The following ZDHHC20 variants were observed in gnomAD, a reference collection of about 807,000 sequenced individuals.
ZDHHC20 encodes palmitoyltransferase ZDHHC20.
ZDHHC20 carries 43 observed loss-of-function variants against 57.8 expected under a neutral mutation model. That is an observed-to-expected ratio of 0.74 (90% CI 0.58 to 0.96). The LOEUF is 0.96. Ranked by LOEUF, ZDHHC20 falls within the 40% of genes least tolerant of loss-of-function variation. The pLI is 0.00. For synonymous variants in ZDHHC20, 157 were observed against 153.0 expected, an observed-to-expected ratio of 1.03 and a Z score of -0.19; for missense variants, 391 against 441.1, an observed-to-expected ratio of 0.89 and a Z score of 1.02.
rs79557922 is a variant in ZDHHC20 at position 21,405,094 on chromosome 13, G to T, written c.371-2228C>A. On this transcript the variant is annotated intron_variant, in intron 4 of 12. Transcript: ENST00000400590. ...TAGCCTCTGATGAGTGGTGTCATGG[G>T]TGAGATGTGTAGACTCAATCTTTTT... is the stretch of plus-strand genomic sequence containing the variant. 2.7e-3 allele frequency among the ~76,000 whole-genome samples: 417 copies of T among 152,166 alleles called. 2 individuals are homozygous for T. The highest frequency in any genetic ancestry group is 9.6e-3 in the African/African-American group (400 of 41,518).
At chr13:21,410,262 C>T (rs536517739) in intron 4 of ZDHHC20, among the ~76,000 whole-genome samples, 1 of 152,218 alleles carries the variant, frequency 6.6e-6, no homozygotes, top group African/African-American at 2.4e-5. Flanking sequence ...CTGGAAGCTT[C>T]CTCCCAGAGG....
chr13:21,391,899 T>A (rs200173855), intron 7 of ZDHHC20, 45 bp from the exon 8 acceptor site: 1 of 1,574,008 alleles, frequency 6.4e-7, no homozygotes, highest in African/African-American at 1.4e-5. Flanking sequence ...CTCTAAAATA[T>A]AACTTACAAG....
Position 21,459,138 on chromosome 13 carries a change from G to C in ZDHHC20, c.34C>G (p.Arg12Gly), listed in dbSNP as rs1221871697. 1.2e-6 allele frequency: 2 copies of C among 1,604,946 alleles called. No homozygotes were observed. Among genetic ancestry groups the C allele is most frequent in the Non-Finnish European group, 1.7e-6 (2 of 1,176,650 alleles). ...AGCACCGGCACCCAGCCCACGACGC[G>C]CTGGCAGCAGCGCCACAGCGTCCAG... ...APWTLWRCCQRVVGWVPVLFI... is the reference protein window; with the variant it reads ...APWTLWRCCQGVVGWVPVLFI... Residue 12 changes from arginine (R) to glycine (G), a missense_variant, in exon 1 of 13, where the codon CGC (arginine) becomes GGC (glycine). Coordinates refer to ENST00000400590, the MANE Select transcript of ZDHHC20 (RefSeq NM_001330059.2).
chr13:21,413,869 C>T, intron 3 of ZDHHC20, 97 bp from the exon 4 acceptor site: 3 of 1,048,830 alleles, frequency 2.9e-6, no homozygotes, highest in South Asian at 1.6e-5. Context: ...AAACCAAAAA[C>T]TATTTTATGA....
At position 21,381,880 on chromosome 13, in the gene ZDHHC20, T is replaced by C. The variant is rs779265643; in HGVS notation, c.945-331A>G. The C allele has an allele frequency of 7.2e-6, 4 of 558,100 alleles. No homozygotes were observed. In the East Asian group the frequency reaches 1.8e-4, roughly 26 times the overall value. 34.6% of individuals were successfully genotyped at this position (558,100 alleles called of 1,614,324 possible). On this transcript the variant is annotated intron_variant, in intron 10 of 12. Transcript: ENST00000400590. ...AAGGACAGGTGAGGATCTATATCTG[T>C]GGCCAGTACAAAACAATTACCTGTC...
In ZDHHC20 at chr13:21,413,641, C is replaced by G. The variant is rs1163639163; in HGVS notation, c.370+11G>C. 2 of 1,574,458 alleles carry G rather than the reference C, an allele frequency of 1.3e-6. No homozygotes were observed. Among genetic ancestry groups the G allele is most frequent in the Non-Finnish European group, 1.7e-6 (2 of 1,166,956 alleles). ...AATCATTTGAAAAGGAAAACTTATTCTTTTTCTTACTTTTTGAAGCTGATG... is the reference window on the plus strand; with the variant it reads ...AATCATTTGAAAAGGAAAACTTATTGTTTTTCTTACTTTTTGAAGCTGATG... On this transcript the variant is annotated intron_variant, in intron 4 of 12. Transcript: ENST00000400590.
In ZDHHC20 at chr13:21,425,637, C is replaced by T. The variant is rs780021558; in HGVS notation, c.145+15G>A. On this transcript the variant is annotated intron_variant, in intron 2 of 12. Coordinates refer to ENST00000400590, the MANE Select transcript of ZDHHC20 (RefSeq NM_001330059.2). ...ATTAAGCATTTAACTTAAATTGAAACTAAAAGTGCCTTACCATTTTCTTCA... is the reference window on the plus strand; with the variant it reads ...ATTAAGCATTTAACTTAAATTGAAATTAAAAGTGCCTTACCATTTTCTTCA... 4 of 1,195,184 alleles carry T rather than the reference C, an allele frequency of 3.3e-6. No homozygotes were observed. The highest frequency in any genetic ancestry group is 1.6e-5 in the African/African-American group (1 of 62,470). 74.0% of individuals were successfully genotyped at this position (1,195,184 alleles called of 1,614,324 possible).
At chr13:21,390,759 G>A (rs1875546176) in intron 8 of ZDHHC20, among the ~76,000 whole-genome samples, 1 of 152,056 alleles carries the variant, frequency 6.6e-6, no homozygotes, top group Non-Finnish European at 1.5e-5. Context: ...AATTAGCTGG[G>A]TGTGGTAGTG....
At chr13:21,400,275 A>G (rs1877430738) in intron 7 of ZDHHC20, 98 bp downstream of exon 7, 2 of 1,173,222 alleles carry the variant, frequency 1.7e-6, no homozygotes, top group East Asian at 2.9e-5. Flanking sequence ...TTGTAAAATT[A>G]AAGTATATCT....
In ZDHHC20 at chr13:21,448,480, C is replaced by T. The variant is rs1485990080; in HGVS notation, c.118+10574G>A. Reference sequence around the variant, plus strand: ...GGAAGGAGGTGGGGGGGGTCAGCCCCGCCGCCCGGCCAGCCGCCCCGTCCG... The same window carrying T: ...GGAAGGAGGTGGGGGGGGTCAGCCCTGCCGCCCGGCCAGCCGCCCCGTCCG... On this transcript the variant is annotated intron_variant, in intron 1 of 12. Transcript: ENST00000400590. 4.0e-5 allele frequency among the ~76,000 whole-genome samples: 4 copies of T among 99,204 alleles called. No homozygotes were observed. In the East Asian group the frequency reaches 8.0e-4, roughly 20 times the overall value. The allele number at this position is 99,204 out of a possible 152,430, so 65.1% of individuals were successfully genotyped here.
At chr13:21,395,037 C>A (rs755407356) in intron 7 of ZDHHC20, among the ~76,000 whole-genome samples, 4 of 150,912 alleles carry the variant, frequency 2.7e-5, no homozygotes, top group Non-Finnish European at 5.9e-5. Context: ...TAGCTGGATG[C>A]TGGAATAGCC....
chr13:21,449,553 T>C (rs887450790), intron 1 of ZDHHC20, among the ~76,000 whole-genome samples: 4 of 152,178 alleles, frequency 2.6e-5, no homozygotes, highest in Non-Finnish European at 5.9e-5. Context: ...CACATTCTAC[T>C]GGCCAAAGCA....
At chr13:21,458,838 G>C (rs561326692) in intron 1 of ZDHHC20, among the ~76,000 whole-genome samples, 1 of 152,294 alleles carries the variant, frequency 6.6e-6, no homozygotes, top group East Asian at 1.9e-4. Context: ...GGAAGCCGCC[G>C]CAAGGCTTCA....
intron 1 of ZDHHC20, among the ~76,000 whole-genome samples, chr13:21,440,367 T>C (rs1340179854): frequency 6.6e-6 from 1 of 151,746 alleles, no homozygotes; most frequent in African/African-American, 2.4e-5. Flanking sequence ...TCCCAGCACT[T>C]TGGGAGGCCG....
intron 1 of ZDHHC20, among the ~76,000 whole-genome samples, chr13:21,445,517 T>G (rs1325495706): frequency 6.6e-6 from 1 of 152,208 alleles, no homozygotes; most frequent in Non-Finnish European, 1.5e-5. Flanking sequence ...CTCCTGACAA[T>G]TCAAGACAGT....
chr13:21,409,714 C>T (rs1233507666), intron 4 of ZDHHC20, among the ~76,000 whole-genome samples: 1 of 152,050 alleles, frequency 6.6e-6, no homozygotes, highest in Non-Finnish European at 1.5e-5. Flanking sequence ...ACAAAGTTCT[C>T]GTGGTGTGTT....
At chr13:21,441,534 C>CCTGCAGTGGCG (rs1883161685) in intron 1 of ZDHHC20, among the ~76,000 whole-genome samples, 1 of 148,828 alleles carries the variant, frequency 6.7e-6, no homozygotes, top group Non-Finnish European at 1.5e-5. Flanking sequence ...TACAGGCGCC[C>CCTGCAGTGGCG]GCCACCACGC....
intron 2 of ZDHHC20, among the ~76,000 whole-genome samples, chr13:21,421,891 C>G (rs892595907): frequency 6.6e-6 from 1 of 152,132 alleles, no homozygotes; most frequent in Non-Finnish European, 1.5e-5. Flanking sequence ...TAAATTCAGA[C>G]AAGTCTGAAA....
At chr13:21,393,689 G>C (rs1876208197) in intron 7 of ZDHHC20, among the ~76,000 whole-genome samples, 1 of 100,304 alleles carries the variant, frequency 1.0e-5, no homozygotes, top group Admixed American at 1.6e-4. Flanking sequence ...GGGCGACACA[G>C]CAAGTCTCAC....
Sources: allele counts gnomAD v4.1 joint callset (sites outside exome capture counted in the v4.1 genomes callset), GRCh38; gene constraint gnomAD v4.1.1; transcripts MANE v1.5; gene names NCBI Gene and HGNC (gene_info 2026-07-23, HGNC 2026-07-21).